Variants in PCDHGA4 observed in about 807,000 individuals in gnomAD.
PCDHGA4 encodes the protein protocadherin gamma-A4.
A neutral mutation model predicts 54.6 loss-of-function variants in PCDHGA4; 38 were observed. The ratio of observed to expected loss-of-function variants is 0.70; its 90% CI spans 0.54 to 0.91. The LOEUF (loss-of-function observed/expected upper bound fraction) is 0.91, where lower values mean the gene tolerates loss of function less well. PCDHGA4 is among the 40% of genes least tolerant of loss of function. The pLI, the probability that PCDHGA4 is intolerant of heterozygous loss-of-function variation, is 0.00. For synonymous variants in PCDHGA4, 511 were observed against 512.9 expected, an observed-to-expected ratio of 1.00 and a Z score of 0.05; for missense variants, 1,298 against 1,220.9, an observed-to-expected ratio of 1.06 and a Z score of -0.94.
chr5:141,391,109 T>C (rs1414344509), intron 1 of PCDHGA4: 1 of 152,098 alleles, frequency 6.6e-6, no homozygotes, highest in Non-Finnish European at 1.5e-5. Context: ...TAAACTAATA[T>C]AGCTAGAGGT....
intron 1 of PCDHGA4, among the ~76,000 whole-genome samples, chr5:141,452,585 G>A (rs1310395736): frequency 6.6e-6 from 1 of 151,984 alleles, no homozygotes; most frequent in Non-Finnish European, 1.5e-5. Context: ...TTCCATCTTT[G>A]TATTTTTATT....
Position 141,477,286 on chromosome 5 carries a change from A to G in PCDHGA4, c.2515-17521A>G, listed in dbSNP as rs1367207950. 1.9e-6 allele frequency: 3 copies of G among 1,614,194 alleles called. No individual in the cohort carries two copies. Among genetic ancestry groups the G allele is most frequent in the Non-Finnish European group, 8.5e-7 (1 of 1,180,034 alleles). ...GCGAGAACGGGCTGGTGACCTGCGA[A>G]GTTCCACCGGGTCTCCCTTTCAGCC... On this transcript the variant is annotated intron_variant, in intron 1 of 3. Coordinates refer to ENST00000571252, the MANE Select transcript of PCDHGA4 (RefSeq NM_018917.4). The surrounding 1 kb of genome is among the most constrained non-coding windows in gnomAD (Gnocchi z 4.9).
intron 1 of PCDHGA4, chr5:141,374,947 C>T (rs768274787): frequency 6.2e-7 from 1 of 1,614,018 alleles, no homozygotes; most frequent in East Asian, 2.2e-5. Context: ...CAGAAAAGAT[C>T]TCACAAATTT....
chr5:141,495,300 C>T (rs1249195819), intron 2 of PCDHGA4, among the ~76,000 whole-genome samples: 1 of 152,204 alleles, frequency 6.6e-6, no homozygotes, highest in Non-Finnish European at 1.5e-5. Context: ...AGCGCCTCCT[C>T]CAGAGCCTCC....
intron 1 of PCDHGA4, chr5:141,399,640 G>A: frequency 6.2e-7 from 1 of 1,613,836 alleles, no homozygotes; most frequent in Non-Finnish European, 8.5e-7. Flanking sequence ...GTCCATGAGC[G>A]CGCAAAGTGG....
chr5:141,495,545 A>G (rs1174346915), intron 2 of PCDHGA4, among the ~76,000 whole-genome samples: 3 of 151,824 alleles, frequency 2.0e-5, no homozygotes, highest in Non-Finnish European at 4.4e-5. Flanking sequence ...CTCAGTCTCT[A>G]TCTCGCTTTG....
rs746903142 is a variant in PCDHGA4, at chr5:141,491,667, G to T, written c.2515-3140G>T. ...TGGCGCTGGAGCCTGACGCCATCCG[G>T]TCCCGCTCTAATACGCTGCGGGAGC... On this transcript the variant is annotated intron_variant, in intron 1 of 3. Coordinates refer to ENST00000571252, the MANE Select transcript of PCDHGA4 (RefSeq NM_018917.4). The surrounding 1 kb of genome is among the most constrained non-coding windows in gnomAD (Gnocchi z 6.9). 1.9e-6 allele frequency: 3 copies of T among 1,613,794 alleles called. No individual in the cohort carries two copies. Among genetic ancestry groups the T allele is most frequent in the Admixed American group, 1.7e-5 (1 of 60,032 alleles).
At chr5:141,394,910 C>T in intron 1 of PCDHGA4, 1 of 1,613,766 alleles carries the variant, frequency 6.2e-7, no homozygotes. Context: ...CAGTGGCTGC[C>T]ATCTCCTGTG....
intron 1 of PCDHGA4, chr5:141,377,130 G>A (rs1432999287): frequency 6.6e-6 from 1 of 152,218 alleles, no homozygotes; most frequent in Non-Finnish European, 1.5e-5. Flanking sequence ...TTAATTTTGT[G>A]GGGGAAAATA....
intron 1 of PCDHGA4, chr5:141,389,583 C>T: frequency 1.2e-6 from 2 of 1,613,188 alleles, no homozygotes; most frequent in Non-Finnish European, 1.7e-6. Flanking sequence ...CGCGCTGGGT[C>T]CCGACGGCTC....
chr5:141,463,018 T>C (rs1318740358), intron 1 of PCDHGA4, among the ~76,000 whole-genome samples: 1 of 152,212 alleles, frequency 6.6e-6, no homozygotes, highest in Admixed American at 6.5e-5. Flanking sequence ...AATTCTGACT[T>C]TTTTGATTAA....
chr5:141,371,658 A>G (rs764550191), intron 1 of PCDHGA4: 3 of 1,614,038 alleles, frequency 1.9e-6, no homozygotes, highest in Non-Finnish European at 1.7e-6. Flanking sequence ...CAATGTGACG[A>G]TCACAGCTAC....
rs370264318 is a variant in PCDHGA4, at chr5:141,403,767, G to C, written c.2514+46146G>C. 1.0e-4 allele frequency: 169 copies of C among 1,613,880 alleles called. No homozygotes were observed. In the East Asian group the frequency reaches 1.6e-3, roughly 16 times the overall value. Reference sequence around the variant, plus strand: ...GCAACAGCCAGCGACCTGGATGAGGGAATCAACGGAAAAGTGGCATACAAA... The same window carrying C: ...GCAACAGCCAGCGACCTGGATGAGGCAATCAACGGAAAAGTGGCATACAAA... On this transcript the variant is annotated intron_variant, in intron 1 of 3. Coordinates refer to ENST00000571252, the MANE Select transcript of PCDHGA4 (RefSeq NM_018917.4).
At chr5:141,390,536 C>T (rs2092171598) in intron 1 of PCDHGA4, 1 of 522,874 alleles carries the variant, frequency 1.9e-6, no homozygotes, top group Non-Finnish European at 3.4e-6. Context: ...TGGTTTTAAC[C>T]ACAAAGTGAA....
At position 141,400,548 on chromosome 5, in the gene PCDHGA4, T is replaced by G. The variant is rs551157559; in HGVS notation, c.2514+42927T>G. On this transcript the variant is annotated intron_variant, in intron 1 of 3. Transcript: ENST00000571252. ...TGGTGAGTTTCATTTATGTCTATTC[T>G]TTTTCATTACCCACCCAATTTTCTG... is the stretch of plus-strand genomic sequence containing the variant. 3.3e-4 allele frequency: 529 copies of G among 1,613,654 alleles called. 1 individual carries two copies. In the South Asian group the frequency reaches 4.9e-3, roughly 15 times the overall value.
At chr5:141,484,468 C>T (rs2099596877) in intron 1 of PCDHGA4, among the ~76,000 whole-genome samples, 1 of 152,200 alleles carries the variant, frequency 6.6e-6, no homozygotes, top group South Asian at 2.1e-4. Context: ...ATGTGTAAGC[C>T]TTTTCTGCAA....
At position 141,415,832 on chromosome 5, in the gene PCDHGA4, T is replaced by C. The variant is rs995620508; in HGVS notation, c.2514+58211T>C. On this transcript the variant is annotated intron_variant, in intron 1 of 3. Coordinates refer to ENST00000571252, the MANE Select transcript of PCDHGA4 (RefSeq NM_018917.4). ...GCCTATATATCATAAGGCTTTGTTA[T>C]GATTAGCTTTGCAGAACCTTGTAGT... 33 of 1,310,754 alleles carry C rather than the reference T, an allele frequency of 2.5e-5. No individual in the cohort carries two copies. The African/African-American group carries it at 4.7e-4, about 19-fold the overall frequency. 81.2% of individuals were successfully genotyped at this position (1,310,754 alleles called of 1,614,324 possible).
intron 1 of PCDHGA4, chr5:141,398,280 C>T (rs1001902282): frequency 1.4e-5 from 19 of 1,405,808 alleles, no homozygotes; most frequent in Non-Finnish European, 1.8e-5. Context: ...GGAACCTCGC[C>T]ACGGACCTGG....
chr5:141,400,092 G>T, intron 1 of PCDHGA4: 1 of 1,614,060 alleles, frequency 6.2e-7, no homozygotes, highest in Non-Finnish European at 8.5e-7. Context: ...CCACCGCCAC[G>T]CTGCACTTGG....
Sources: allele counts gnomAD v4.1 joint callset (sites outside exome capture counted in the v4.1 genomes callset), GRCh38; gene constraint gnomAD v4.1.1; non-coding constraint Gnocchi (gnomAD v3.1); transcripts MANE v1.5; gene names NCBI Gene and HGNC (gene_info 2026-07-23, HGNC 2026-07-21).